The following GOLGA3 variants were observed in gnomAD, a reference collection of about 807,000 sequenced individuals.
The protein encoded by GOLGA3 is golgin subfamily A member 3.
A neutral mutation model predicts 169.4 loss-of-function variants in GOLGA3; 75 were observed. The ratio of observed to expected loss-of-function variants is 0.44; its 90% CI spans 0.37 to 0.54. The LOEUF is 0.54. GOLGA3 is among the 20% of genes least tolerant of loss of function. GOLGA3 has a pLI of 0.00. For missense variants in GOLGA3, 1,899 were observed against 1,930.0 expected, an observed-to-expected ratio of 0.98 and a Z score of 0.30; for synonymous variants, 824 against 822.4, an observed-to-expected ratio of 1.00 and a Z score of -0.03.
intron 1 of GOLGA3, chr12:132,825,941 A>G (rs1593414599): frequency 1.1e-6 from 1 of 950,086 alleles, no homozygotes. Flanking sequence ...GACCAAGATG[A>G]AGACGCAGAG....
chr12:132,779,879 C>T (rs1245544224), intron 18 of GOLGA3, among the ~76,000 whole-genome samples: 7 of 129,380 alleles, frequency 5.4e-5, no homozygotes, highest in African/African-American at 8.6e-5. Flanking sequence ...CAGGCACACA[C>T]GTGTGTACAG....
chr12:132,784,554 G>C (rs2045789296), intron 15 of GOLGA3, among the ~76,000 whole-genome samples: 1 of 152,218 alleles, frequency 6.6e-6, no homozygotes, highest in South Asian at 2.1e-4. Flanking sequence ...CAAAAATACA[G>C]AAGAAAATCT....
intron 2 of GOLGA3, among the ~76,000 whole-genome samples, chr12:132,819,214 C>T (rs1001851302): frequency 6.6e-6 from 1 of 152,270 alleles, no homozygotes; most frequent in Admixed American, 6.5e-5. Context: ...AGCAAATTTG[C>T]TTTTTGCTCA....
intron 6 of GOLGA3, among the ~76,000 whole-genome samples, chr12:132,805,638 A>G (rs1395464251): frequency 6.6e-6 from 1 of 151,624 alleles, no homozygotes; most frequent in African/African-American, 2.4e-5. Context: ...CGAGACCCCC[A>G]GGCGCTCTCC....
In GOLGA3 at chr12:132,795,791, ATCAGCATCAT is replaced by A. The variant is rs1948797699; in HGVS notation, c.2469+51_2469+60del. The A allele has an allele frequency of 3.3e-6, 5 of 1,496,028 alleles. No individual in the cohort carries two copies. In the East Asian group the frequency reaches 1.1e-4, roughly 34 times the overall value. The allele number at this position is 1,496,028 out of a possible 1,614,324, so 92.7% of individuals were successfully genotyped here. A position where few individuals can be genotyped will look rare whatever the true frequency, so the allele number is the denominator to read the frequency against. On this transcript the variant is annotated intron_variant, in intron 11 of 23. Transcript: ENST00000450791. Reference sequence around the variant, plus strand: ...AAAGAAAGAAAGAAAGAAGCAAATAATCAGCATCATTCCTGCAAGGAGGGTTCTGATTCAA... The same window carrying A: ...AAAGAAAGAAAGAAAGAAGCAAATAATCCTGCAAGGAGGGTTCTGATTCAA...
chr12:132,825,243 T>C (rs1196584189), intron 1 of GOLGA3, among the ~76,000 whole-genome samples: 1 of 151,912 alleles, frequency 6.6e-6, no homozygotes, highest in African/African-American at 2.4e-5. Context: ...GAACCGACGG[T>C]GTGTGCCTGC....
At position 132,785,264 on chromosome 12, in the gene GOLGA3, T is replaced by C. The variant is rs191546596; in HGVS notation, c.3124-957A>G. On this transcript the variant is annotated intron_variant, in intron 15 of 23. Transcript: ENST00000450791. Reference sequence around the variant, plus strand: ...CCAAAGAAAATGGCAACTGAATCAATCTCCCCAACATTTTACAAAGCAACC... The same window carrying C: ...CCAAAGAAAATGGCAACTGAATCAACCTCCCCAACATTTTACAAAGCAACC... Among the ~76,000 whole-genome samples the C allele has an allele frequency of 2.1e-4, 32 of 152,192 alleles. No individual in the cohort carries two copies. In the East Asian group the frequency reaches 5.0e-3, roughly 24 times the overall value.
intron 23 of GOLGA3, among the ~76,000 whole-genome samples, chr12:132,773,573 C>A (rs938064796): frequency 6.6e-6 from 1 of 152,224 alleles, no homozygotes; most frequent in Non-Finnish European, 1.5e-5. Flanking sequence ...GCCCTCGGGG[C>A]GCCGCCTGGC....
intron 4 of GOLGA3, among the ~76,000 whole-genome samples, chr12:132,812,229 A>ATT (rs1156328379): frequency 2.4e-4 from 34 of 143,928 alleles, no homozygotes; most frequent in East Asian, 4.2e-4. Context: ...ATATATATAT[A>ATT]TTTTTTTTAA....
intron 12 of GOLGA3, among the ~76,000 whole-genome samples, chr12:132,790,054 G>A (rs111321115): frequency 0.33 from 50,704 of 151,554 alleles, 9,708 homozygotes; most frequent in Non-Finnish European, 0.44. Flanking sequence ...ATTACAGGCC[G>A]GGCGTGGTGG....
At chr12:132,826,103 C>T (rs1950404537) in intron 1 of GOLGA3, 4 of 1,515,466 alleles carry the variant, frequency 2.6e-6, no homozygotes, top group Admixed American at 1.7e-5. Context: ...CCGGCCTTGC[C>T]GGCCTCTGAG....
chr12:132,780,410 C>G (rs754858673), intron 18 of GOLGA3, among the ~76,000 whole-genome samples: 3 of 152,074 alleles, frequency 2.0e-5, no homozygotes, highest in Non-Finnish European at 4.4e-5. Flanking sequence ...AGGGCAGGGG[C>G]CAGCCACGAA....
chr12:132,782,575 C>T, intron 16 of GOLGA3, 82 bp from the exon 17 acceptor site: 1 of 1,140,580 alleles, frequency 8.8e-7, no homozygotes, highest in Admixed American at 1.7e-5. Context: ...GAGTTTTCAA[C>T]AAGAAACAGC....
chr12:132,816,345 T>C (rs1949959209), intron 3 of GOLGA3, among the ~76,000 whole-genome samples, 195 bp downstream of exon 3: 1 of 152,216 alleles, frequency 6.6e-6, no homozygotes, highest in South Asian at 2.1e-4. Flanking sequence ...CAGCAGAACC[T>C]TGACTCCACC....
chr12:132,815,160 T>TC (rs1949901688), intron 3 of GOLGA3, among the ~76,000 whole-genome samples: 1 of 152,230 alleles, frequency 6.6e-6, no homozygotes. Context: ...AAAAGATCTC[T>TC]AGTCCTTTTC....
chr12:132,790,295 C>CT (rs1025460556), intron 12 of GOLGA3, among the ~76,000 whole-genome samples: 43 of 152,316 alleles, frequency 2.8e-4, no homozygotes, highest in African/African-American at 1.0e-3. Flanking sequence ...GATCGCACCA[C>CT]TGCCCTCCAG....
At chr12:132,805,077 A>G (rs1949324719) in intron 6 of GOLGA3, 55 bp from the exon 7 acceptor site, 1 of 1,554,836 alleles carries the variant, frequency 6.4e-7, no homozygotes, top group South Asian at 1.2e-5. Context: ...ACTTCCATCC[A>G]GTGTATTAAC....
intron 2 of GOLGA3, among the ~76,000 whole-genome samples, chr12:132,819,110 GT>G (rs1950107338): frequency 6.6e-6 from 1 of 150,860 alleles, no homozygotes; most frequent in African/African-American, 2.5e-5. Flanking sequence ...TCCTCAGGGG[GT>G]TCTGGTCCTG....
At chr12:132,790,334 AAAAAT>A (rs1228557607) in intron 12 of GOLGA3, among the ~76,000 whole-genome samples, 4 of 152,258 alleles carry the variant, frequency 2.6e-5, no homozygotes, top group Middle Eastern at 3.4e-3. Context: ...ACTTCATCTC[AAAAAT>A]AAAATAAAAT....
Sources: gnomAD v4.1 joint callset for allele counts (sites outside exome capture counted in the v4.1 genomes callset) on GRCh38, gnomAD v4.1.1 for gene constraint, MANE v1.5 for transcripts, NCBI Gene and HGNC (gene_info 2026-07-23, HGNC 2026-07-21) for gene names.